The following PSD3 variants were observed in gnomAD, a reference collection of about 807,000 sequenced individuals.
The protein encoded by PSD3 is PH and SEC7 domain-containing protein 3.
PSD3 carries 49 observed loss-of-function variants against 105.5 expected under a neutral mutation model. That is an observed-to-expected ratio of 0.46 (90% CI 0.37 to 0.59). The LOEUF (loss-of-function observed/expected upper bound fraction) is 0.59, where lower values mean the gene tolerates loss of function less well. PSD3 is among the 20% of genes least tolerant of loss of function. The pLI, the probability that PSD3 is intolerant of heterozygous loss-of-function variation, is 0.00. For synonymous variants in PSD3, 557 were observed against 457.8 expected (o/e 1.22, Z -2.77); for missense variants, 1,561 against 1,263.8 (o/e 1.24, Z -3.57).
intron 4 of PSD3, among the ~76,000 whole-genome samples, chr8:18,863,819 T>G (rs925715892): frequency 6.6e-6 from 1 of 152,178 alleles, no homozygotes; most frequent in Non-Finnish European, 1.5e-5. Flanking sequence ...AATATTTTCT[T>G]CTTTGACTTG....
chr8:18,563,965 C>G (rs2634434), intron 14 of PSD3, among the ~76,000 whole-genome samples: 66,895 of 151,966 alleles, frequency 0.44, 14,868 homozygotes, highest in East Asian at 0.6. Flanking sequence ...TGACCCACTG[C>G]AAAGAGTTTT....
chr8:18,611,796 C>A (rs1367068083), intron 11 of PSD3, among the ~76,000 whole-genome samples: 2 of 152,062 alleles, frequency 1.3e-5, no homozygotes, highest in Non-Finnish European at 2.9e-5. Flanking sequence ...GCAGCTGTAA[C>A]CTAGGAAGCT....
chr8:19,031,039 G>T (rs73204595), intron 1 of PSD3, among the ~76,000 whole-genome samples: 16,661 of 152,112 alleles, frequency 0.11, 1,134 homozygotes, highest in East Asian at 0.23. Flanking sequence ...TCTATGTGGG[G>T]CTATGCTACC....
intron 2 of PSD3, among the ~76,000 whole-genome samples, chr8:18,879,066 A>G (rs1194478737): frequency 5.3e-5 from 8 of 150,570 alleles, no homozygotes; most frequent in Non-Finnish European, 5.9e-5. Context: ...ACACACACAC[A>G]CACACACACA....
intron 1 of PSD3, among the ~76,000 whole-genome samples, chr8:19,030,723 G>T (rs896760073): frequency 1.3e-5 from 2 of 152,014 alleles, no homozygotes; most frequent in South Asian, 2.1e-4. Flanking sequence ...TATCATCTAT[G>T]AATTATCATT....
At chr8:18,627,104 A>G (rs776657107) in intron 11 of PSD3, among the ~76,000 whole-genome samples, 43 of 152,148 alleles carry the variant, frequency 2.8e-4, no homozygotes, top group African/African-American at 2.9e-4. Flanking sequence ...AGACATTTCA[A>G]AACAGAAAAC....
At chr8:19,064,934 A>C (rs971964547) in intron 1 of PSD3, among the ~76,000 whole-genome samples, 1 of 152,214 alleles carries the variant, frequency 6.6e-6, no homozygotes, top group Non-Finnish European at 1.5e-5. Flanking sequence ...GAGCTCCTGC[A>C]CTAGGTCCCA....
intron 1 of PSD3, chr8:18,940,501 T>A (rs1822464286): frequency 6.6e-6 from 1 of 152,206 alleles, no homozygotes; most frequent in African/African-American, 2.4e-5. Context: ...GAAGTAAAAT[T>A]CACTAAAGGG....
At chr8:18,728,004 T>C (rs1412543180) in intron 9 of PSD3, among the ~76,000 whole-genome samples, 1 of 151,866 alleles carries the variant, frequency 6.6e-6, no homozygotes, top group African/African-American at 2.4e-5. Context: ...CCTAGATCAA[T>C]GCCTGAAGAC....
chr8:18,715,838 C>T (rs769699226), intron 9 of PSD3, among the ~76,000 whole-genome samples: 28 of 152,178 alleles, frequency 1.8e-4, no homozygotes, highest in Non-Finnish European at 2.6e-4. Flanking sequence ...GTACATCCAA[C>T]GCATATTTAC....
chr8:18,627,807 A>AG (rs1554526033), intron 11 of PSD3, among the ~76,000 whole-genome samples: 1,704 of 148,786 alleles, frequency 0.011, 39 homozygotes, highest in African/African-American at 0.041. Flanking sequence ...GCAAAGAAAA[A>AG]GGAAAAAAAA....
chr8:18,627,287 T>C (rs1484749645), intron 11 of PSD3, among the ~76,000 whole-genome samples: 4 of 151,920 alleles, frequency 2.6e-5, no homozygotes, highest in Admixed American at 6.6e-5. Context: ...GAAAGGAGTT[T>C]AGTGATGCTG....
chr8:18,943,902 G>A (rs1437724869), intron 1 of PSD3, among the ~76,000 whole-genome samples: 3 of 151,912 alleles, frequency 2.0e-5, no homozygotes, highest in African/African-American at 4.8e-5. Flanking sequence ...GCAAGCAGGA[G>A]ACCGGAAGAG....
intron 9 of PSD3, among the ~76,000 whole-genome samples, chr8:18,665,278 A>C (rs1799383153): frequency 1.3e-5 from 2 of 152,232 alleles, no homozygotes; most frequent in Non-Finnish European, 2.9e-5. Context: ...TCAAAATATC[A>C]ACATCAACAG....
chr8:18,836,843 CT>C (rs1223248159), intron 4 of PSD3, among the ~76,000 whole-genome samples: 2 of 152,112 alleles, frequency 1.3e-5, no homozygotes, highest in African/African-American at 4.8e-5. Context: ...CCATCCTCCC[CT>C]GACCCGCCCA....
chr8:18,856,080 C>T (rs1447620618), intron 4 of PSD3, among the ~76,000 whole-genome samples: 1 of 152,154 alleles, frequency 6.6e-6, no homozygotes, highest in African/African-American at 2.4e-5. Context: ...CTCCTTCTGC[C>T]ATAGTTCAGC....
At chr8:18,939,026 G>GA (rs5889838) in intron 1 of PSD3, among the ~76,000 whole-genome samples, 120,427 of 152,030 alleles carry the variant, frequency 0.79, 47,745 homozygotes, top group Middle Eastern at 0.86. Context: ...TAAAACATCA[G>GA]AAAGAACATT....
At chr8:18,596,790 C>A (rs1804135806) in intron 12 of PSD3, among the ~76,000 whole-genome samples, 1 of 152,126 alleles carries the variant, frequency 6.6e-6, no homozygotes, top group South Asian at 2.1e-4. Context: ...GGTAGAAAAT[C>A]TGAATGGATC....
At chr8:18,987,867 A>G (rs1260128671) in intron 1 of PSD3, among the ~76,000 whole-genome samples, 3 of 152,164 alleles carry the variant, frequency 2.0e-5, no homozygotes, top group Admixed American at 1.3e-4. Context: ...ATGAGCTGCA[A>G]TTACATAATC....
Sources: allele counts gnomAD v4.1 joint callset (sites outside exome capture counted in the v4.1 genomes callset), GRCh38; gene constraint gnomAD v4.1.1; transcripts MANE v1.5; gene names NCBI Gene and HGNC (gene_info 2026-07-23, HGNC 2026-07-21).